Variants in PCDHGA2 observed in about 807,000 individuals in gnomAD.
PCDHGA2 encodes the protein protocadherin gamma-A2.
A neutral mutation model predicts 59.2 loss-of-function variants in PCDHGA2; 40 were observed. The ratio of observed to expected loss-of-function variants is 0.68; its 90% CI spans 0.52 to 0.88. The LOEUF (loss-of-function observed/expected upper bound fraction) is 0.88, where lower values mean the gene tolerates loss of function less well. Among genes scored for constraint, PCDHGA2 ranks in the 40% least tolerant of loss-of-function variants. The pLI, the probability that PCDHGA2 is intolerant of heterozygous loss-of-function variation, is 0.00. For synonymous variants in PCDHGA2, 560 were observed against 526.0 expected, an observed-to-expected ratio of 1.06 and a Z score of -0.89; for missense variants, 1,226 against 1,204.0, an observed-to-expected ratio of 1.02 and a Z score of -0.27.
chr5:141,378,118 C>T (rs1196603036), intron 1 of PCDHGA2: 3 of 152,190 alleles, frequency 2.0e-5, no homozygotes, highest in Non-Finnish European at 4.4e-5. Context: ...ATAGTGAACA[C>T]GTATTTGTTG....
chr5:141,485,446 C>A lies in PCDHGA2; in HGVS notation c.2425-9361C>A. On this transcript the variant is annotated intron_variant, in intron 1 of 3. Transcript: ENST00000394576. This position sits in a 1 kb window ranked among gnomAD's most constrained non-coding sequence, Gnocchi z 5.7. ...CCCTGCTCATCAAGAACCCAATCGA[C>A]CGAGAGGCACTGTGTGGGCTCAGTG... is the stretch of plus-strand genomic sequence containing the variant. 6.2e-7 allele frequency: 1 copy of A among 1,614,156 alleles called. No individual in the cohort carries two copies. The highest frequency in any genetic ancestry group is 8.5e-7 in the Non-Finnish European group (1 of 1,180,018).
chr5:141,410,664 A>G, intron 1 of PCDHGA2: 1 of 1,570,058 alleles, frequency 6.4e-7, no homozygotes, highest in Non-Finnish European at 8.6e-7. Context: ...ATAGTCTACT[A>G]GTTTCTCATA....
chr5:141,414,690 G>A (rs377704657), intron 1 of PCDHGA2: 53 of 1,613,888 alleles, frequency 3.3e-5, no homozygotes, highest in Middle Eastern at 1.6e-4. Flanking sequence ...GGGTACCTCT[G>A]TCCTCATACA....
chr5:141,386,587 G>A (rs1423292010), intron 1 of PCDHGA2, among the ~76,000 whole-genome samples: 2 of 151,614 alleles, frequency 1.3e-5, no homozygotes, highest in African/African-American at 4.9e-5. Context: ...CAATAGTGTG[G>A]GGGATACATT....
chr5:141,435,781 C>T (rs3828680), intron 1 of PCDHGA2, among the ~76,000 whole-genome samples: 81,882 of 151,942 alleles, frequency 0.54, 24,120 homozygotes, highest in African/African-American at 0.79. Flanking sequence ...TGTAAAGGTG[C>T]AGGGAAACAT....
intron 1 of PCDHGA2, among the ~76,000 whole-genome samples, chr5:141,396,908 C>G (rs987572785): frequency 1.3e-5 from 2 of 152,146 alleles, no homozygotes; most frequent in Admixed American, 6.5e-5. Context: ...TGGCACTTTG[C>G]AATTTTAAAA....
chr5:141,499,582 T>C (rs952280239), intron 2 of PCDHGA2, among the ~76,000 whole-genome samples: 7 of 152,164 alleles, frequency 4.6e-5, no homozygotes, highest in African/African-American at 7.2e-5. Flanking sequence ...TAATGCCTTA[T>C]CTTGTTTCAC....
chr5:141,418,439 T>C (rs1284999606), intron 1 of PCDHGA2: 1 of 1,613,812 alleles, frequency 6.2e-7, no homozygotes, highest in Non-Finnish European at 8.5e-7. Flanking sequence ...ATATCCAGAA[T>C]TAGTATTGCA....
rs747633858 is a variant in PCDHGA2, at chr5:141,491,133, C to T, written c.2425-3674C>T. 6.2e-6 allele frequency: 10 copies of T among 1,614,158 alleles called. No homozygotes were observed. In the South Asian group the frequency reaches 9.9e-5, roughly 16 times the overall value. The stretch of plus-strand genomic sequence containing the variant: ...CACACACTGGTGAGGTGCGCACAGC[C>T]CGGGCCTTACTGGAGGATGACTCTG... On this transcript the variant is annotated intron_variant, in intron 1 of 3. Transcript: ENST00000394576. The surrounding 1 kb of genome is among the most constrained non-coding windows in gnomAD (Gnocchi z 6.9).
chr5:141,358,355 T>A (rs1760896522), intron 1 of PCDHGA2, among the ~76,000 whole-genome samples: 1 of 152,236 alleles, frequency 6.6e-6, no homozygotes, highest in South Asian at 2.1e-4. Flanking sequence ...GAGGGTTTTT[T>A]AATTTCCTAT....
At chr5:141,375,106 T>C in intron 1 of PCDHGA2, 1 of 1,613,952 alleles carries the variant, frequency 6.2e-7, no homozygotes, top group East Asian at 2.2e-5. Context: ...TGGATGTCAA[T>C]GATAATGTAC....
Position 141,485,330 on chromosome 5 carries a change from C to T in PCDHGA2, c.2425-9477C>T. On this transcript the variant is annotated intron_variant, in intron 1 of 3. Transcript: ENST00000394576. This position sits in a 1 kb window ranked among gnomAD's most constrained non-coding sequence, Gnocchi z 5.7. ...TGTAGGGAATGTCGCTCAAGATTTC[C>T]TGCTGGATACGGACAGTCTGTCAGC... 6.2e-7 allele frequency: 1 copy of T among 1,614,164 alleles called. No individual in the cohort carries two copies. Among genetic ancestry groups the T allele is most frequent in the East Asian group, 2.2e-5 (1 of 44,862 alleles).
At chr5:141,444,299 G>A (rs1017908182) in intron 1 of PCDHGA2, among the ~76,000 whole-genome samples, 20 of 150,672 alleles carry the variant, frequency 1.3e-4, no homozygotes, top group Non-Finnish European at 2.7e-4. Context: ...AGCCTCCCTA[G>A]TAGCTAGGAT....
intron 1 of PCDHGA2, among the ~76,000 whole-genome samples, chr5:141,494,030 A>G (rs1165393646): frequency 6.6e-6 from 1 of 151,978 alleles, no homozygotes; most frequent in Non-Finnish European, 1.5e-5. Context: ...AGCCCTGGAG[A>G]CTTAGTTGGC....
chr5:141,432,137 T>A lies in PCDHGA2; in HGVS notation c.2425-62670T>A. On this transcript the variant is annotated intron_variant, in intron 1 of 3. Coordinates refer to ENST00000394576, the MANE Select transcript of PCDHGA2 (RefSeq NM_018915.4). The surrounding 1 kb of genome is among the most constrained non-coding windows in gnomAD (Gnocchi z 6.0). ...CTTCCCTCAGGCCTCCTATTCCGCT[T>A]ATATCCCAGAGAACAATCCCAGAGG... 6.2e-7 allele frequency: 1 copy of A among 1,613,964 alleles called. No homozygotes were observed. Among genetic ancestry groups the A allele is most frequent in the Non-Finnish European group, 8.5e-7 (1 of 1,179,984 alleles).
intron 2 of PCDHGA2, among the ~76,000 whole-genome samples, chr5:141,500,421 G>A (rs1247202322): frequency 6.6e-6 from 1 of 151,852 alleles, no homozygotes; most frequent in Non-Finnish European, 1.5e-5. Flanking sequence ...GTGTTAGCCA[G>A]GATGGTCTCG....
chr5:141,431,004 G>A lies in PCDHGA2; in HGVS notation c.2425-63803G>A, dbSNP rs569594120. The A allele has an allele frequency of 6.2e-7, 1 of 1,614,048 alleles. No homozygotes were observed. The highest frequency in any genetic ancestry group is 1.1e-5 in the South Asian group (1 of 91,074). On this transcript the variant is annotated intron_variant, in intron 1 of 3. Coordinates refer to ENST00000394576, the MANE Select transcript of PCDHGA2 (RefSeq NM_018915.4). The surrounding 1 kb of genome is among the most constrained non-coding windows in gnomAD (Gnocchi z 4.8). ...CTTTTCGCCCTGAATCCGCGCAGCG[G>A]CAGCTTGGTCACGGCGGGCAGGATA... is the stretch of plus-strand genomic sequence containing the variant.
intron 1 of PCDHGA2, among the ~76,000 whole-genome samples, chr5:141,455,997 A>C (rs1373055623): frequency 1.3e-5 from 2 of 151,626 alleles, no homozygotes. Context: ...TCTCGGGTTC[A>C]TGCCATTCTC....
At chr5:141,420,252 C>T (rs745697672) in intron 1 of PCDHGA2, 1 of 1,576,604 alleles carries the variant, frequency 6.3e-7, no homozygotes, top group Non-Finnish European at 8.6e-7. Flanking sequence ...AGCGTTGAAG[C>T]AGATAAGAAG....
Sources: allele counts gnomAD v4.1 joint callset (sites outside exome capture counted in the v4.1 genomes callset), GRCh38; gene constraint gnomAD v4.1.1; non-coding constraint Gnocchi (gnomAD v3.1); transcripts MANE v1.5; gene names NCBI Gene and HGNC (gene_info 2026-07-23, HGNC 2026-07-21).